Variants in CLDN14 observed in about 807,000 individuals in gnomAD.
CLDN14 encodes the protein claudin 14.
In CLDN14, 2 loss-of-function variants were observed where a neutral mutation model predicts 2.1. The observed-to-expected ratio is 0.96, with a 90% CI of 0.39 to 3.01. The LOEUF (loss-of-function observed/expected upper bound fraction) is 3.01, where lower values mean the gene tolerates loss of function less well. CLDN14 is among the 30% of genes most tolerant of loss of function. The pLI is 0.09. For missense variants in CLDN14, 298 were observed against 328.0 expected, an observed-to-expected ratio of 0.91 and a Z score of 0.71; for synonymous variants, 136 against 154.4, an observed-to-expected ratio of 0.88 and a Z score of 0.88.
chr21:36,545,195 G>T (rs2087518793), intron 1 of CLDN14, among the ~76,000 whole-genome samples: 1 of 152,194 alleles, frequency 6.6e-6, no homozygotes, highest in African/African-American at 2.4e-5. Flanking sequence ...ATTTTGGAGG[G>T]TTAAGAATTG....
At chr21:36,569,390 T>C (rs2087693244) in intron 1 of CLDN14, among the ~76,000 whole-genome samples, 1 of 149,660 alleles carries the variant, frequency 6.7e-6, no homozygotes, top group South Asian at 2.1e-4. Context: ...TAGTCCAGCC[T>C]GGGCAACAGA....
In CLDN14 at chr21:36,461,051, A is replaced by G; in HGVS notation, c.645T>C (p.Ala215=). Residue 215 remains alanine, a synonymous_variant, in exon 2 of 2, where the codon GCT becomes GCC. Transcript: ENST00000399135. ...AGGGGGCCCGATTGTCTTTGTAGGC[A>G]GCTGGTGGCTGGTAGGCAGGTGCGG... ...ANTAPAYQPP[A]AYKDNRAPSV... is the part of the protein sequence containing the mutation. 4.3e-6 allele frequency: 7 copies of G among 1,614,002 alleles called. No homozygotes were observed. The highest frequency in any genetic ancestry group is 5.9e-6 in the Non-Finnish European group (7 of 1,179,994).
At chr21:36,539,390 AGT>A (rs200423996) in intron 1 of CLDN14, among the ~76,000 whole-genome samples, 1 of 107,126 alleles carries the variant, frequency 9.3e-6, no homozygotes, top group South Asian at 3.1e-4. Flanking sequence ...GTGTGGAGTG[AGT>A]GTGTGTGGAG....
chr21:36,476,515 C>T (rs1396061426), intron 1 of CLDN14, among the ~76,000 whole-genome samples: 2 of 151,708 alleles, frequency 1.3e-5, no homozygotes, highest in African/African-American at 2.4e-5. Context: ...CGCGGTGGTG[C>T]GATCTCAGCT....
chr21:36,537,985 C>T (rs1340190627), intron 1 of CLDN14, among the ~76,000 whole-genome samples: 1 of 130,006 alleles, frequency 7.7e-6, no homozygotes, highest in East Asian at 2.3e-4. Context: ...AAAATCAAAA[C>T]AAAATGTGTG....
intron 1 of CLDN14, among the ~76,000 whole-genome samples, chr21:36,556,220 G>A (rs1348104653): frequency 6.6e-6 from 1 of 152,166 alleles, no homozygotes; most frequent in Non-Finnish European, 1.5e-5. Context: ...CAATTGATCA[G>A]TGTGTCCTCC....
chr21:36,561,027 T>C (rs1356620970), intron 1 of CLDN14, among the ~76,000 whole-genome samples: 2 of 152,220 alleles, frequency 1.3e-5, no homozygotes, highest in Non-Finnish European at 2.9e-5. Flanking sequence ...TTTTTTATGA[T>C]TGGTTTCAAT....
At chr21:36,480,208 T>C (rs1302376693), upstream of CLDN14, 1 of 152,376 alleles carries the variant, frequency 6.6e-6, no homozygotes, top group African/African-American at 2.4e-5. Context: ...CAACTGCTTT[T>C]GTTTGTTTGC....
chr21:36,474,761 G>A (rs1377704534), intron 1 of CLDN14, among the ~76,000 whole-genome samples: 1 of 152,162 alleles, frequency 6.6e-6, no homozygotes, highest in African/African-American at 2.4e-5. Context: ...CTGAGGAAAT[G>A]GTTCAGCGAG....
At chr21:36,535,406 A>C (rs1331118908) in intron 1 of CLDN14, among the ~76,000 whole-genome samples, 1 of 112,602 alleles carries the variant, frequency 8.9e-6, no homozygotes, top group Non-Finnish European at 2.3e-5. Context: ...ATACATAAAT[A>C]AATAAAAGTA....
intron 1 of CLDN14, among the ~76,000 whole-genome samples, chr21:36,538,126 T>C (rs941911823): frequency 6.6e-6 from 1 of 152,130 alleles, no homozygotes; most frequent in African/African-American, 2.4e-5. Flanking sequence ...TGCTGCCTGT[T>C]TGAAAATTTT....
upstream of CLDN14, among the ~76,000 whole-genome samples, chr21:36,481,367 C>T (rs539641662): frequency 2.0e-5 from 3 of 152,212 alleles, no homozygotes; most frequent in African/African-American, 7.2e-5. Flanking sequence ...ATAGGGGTAC[C>T]AGCATAATAG....
intron 1 of CLDN14, among the ~76,000 whole-genome samples, chr21:36,573,709 T>TG (rs2087724357): frequency 2.6e-5 from 4 of 152,178 alleles, no homozygotes; most frequent in African/African-American, 9.6e-5. Context: ...ATTATGTGGA[T>TG]TTAACAAGGC....
At chr21:36,523,870 G>A (rs559782434) in intron 1 of CLDN14, among the ~76,000 whole-genome samples, 1 of 151,898 alleles carries the variant, frequency 6.6e-6, no homozygotes, top group South Asian at 2.1e-4. Flanking sequence ...CCTAATAACA[G>A]GTGGGAAGGG....
chr21:36,575,799 A>C (rs992796301), intron 1 of CLDN14, among the ~76,000 whole-genome samples: 5 of 152,196 alleles, frequency 3.3e-5, no homozygotes, highest in Non-Finnish European at 1.5e-5. Context: ...CTAGAGGAAG[A>C]AGCCTTCTTG....
At chr21:36,502,022 A>T (rs973988270) in intron 2 of CLDN14, among the ~76,000 whole-genome samples, 6 of 151,904 alleles carry the variant, frequency 3.9e-5, no homozygotes, top group Non-Finnish European at 7.4e-5. Context: ...TAGTTTGTAG[A>T]GGTTGGAAGA....
intron 1 of CLDN14, among the ~76,000 whole-genome samples, chr21:36,520,711 A>G (rs2087263192): frequency 6.6e-6 from 1 of 152,180 alleles, no homozygotes; most frequent in African/African-American, 2.4e-5. Context: ...CACACAAGGG[A>G]GTTATGACTT....
chr21:36,474,366 T>A (rs1395593011), intron 1 of CLDN14, among the ~76,000 whole-genome samples: 1 of 152,166 alleles, frequency 6.6e-6, no homozygotes, highest in African/African-American at 2.4e-5. Context: ...TTTATCACTC[T>A]AACAATTTCA....
intron 1 of CLDN14, among the ~76,000 whole-genome samples, chr21:36,541,371 C>T (rs1453322432): frequency 6.6e-6 from 1 of 152,140 alleles, no homozygotes; most frequent in Non-Finnish European, 1.5e-5. Context: ...GGTGAAAGAA[C>T]AAGAGCCAAG....
Sources: gnomAD v4.1 joint callset for allele counts (sites outside exome capture counted in the v4.1 genomes callset) on GRCh38, gnomAD v4.1.1 for gene constraint, MANE v1.5 for transcripts, NCBI Gene and HGNC (gene_info 2026-07-23, HGNC 2026-07-21) for gene names.